ANK3: variants seen among roughly 807,000 people sequenced by gnomAD.
The protein encoded by ANK3 is ankyrin-3.
In ANK3, 57 loss-of-function variants were observed where a neutral mutation model predicts 370.9. The ratio of observed to expected loss-of-function variants is 0.15; its 90% CI spans 0.12 to 0.19. The LOEUF (loss-of-function observed/expected upper bound fraction) is 0.19. ANK3 is among the 10% of genes least tolerant of loss of function. The pLI, the probability that ANK3 is intolerant of heterozygous loss-of-function variation, is 1.00. For missense variants in ANK3, 4,439 were observed against 5,302.1 expected, an observed-to-expected ratio of 0.84 and a Z score of 5.06; for synonymous variants, 1,929 against 1,946.3, an observed-to-expected ratio of 0.99 and a Z score of 0.23.
chr10:60,074,272 C>T lies in ANK3; in HGVS notation c.6609G>A (p.Leu2203=), dbSNP rs2131980821. The part of the protein sequence containing the change: ...SPKPSPTFME[L]EPKPTTSSIK... The stretch of plus-strand genomic sequence containing the variant: ...TACTAGAGGTGGTGGGCTTTGGTTC[C>T]AATTCCATAAAAGTAGGTGAAGGTT... The change falls in exon 37 of 44, where the codon TTG becomes TTA. Residue 2203 remains leucine, a synonymous_variant. Transcript: ENST00000280772. 1 of 1,614,056 alleles carries T rather than the reference C, an allele frequency of 6.2e-7. No individual in the cohort carries two copies. The highest frequency in any genetic ancestry group is 1.1e-5 in the South Asian group (1 of 91,082).
intron 1 of ANK3, among the ~76,000 whole-genome samples, chr10:60,354,537 C>G (rs2057429606): frequency 6.6e-6 from 1 of 152,140 alleles, no homozygotes. Flanking sequence ...TGAAAAATAA[C>G]CAAACCAGTG....
chr10:60,441,225 A>G (rs1392002486), intron 2 of ANK3, among the ~76,000 whole-genome samples: 1 of 152,198 alleles, frequency 6.6e-6, no homozygotes, highest in African/African-American at 2.4e-5. Context: ...AATGAGCATT[A>G]CTATTTTTAT....
chr10:60,535,871 T>C (rs561957603), intron 2 of ANK3, among the ~76,000 whole-genome samples: 10 of 151,926 alleles, frequency 6.6e-5, no homozygotes, highest in African/African-American at 2.2e-4. Flanking sequence ...AAGTGAGCAA[T>C]GATAATGAAA....
chr10:60,717,618 G>A (rs2079808367), intron 1 of ANK3, among the ~76,000 whole-genome samples: 1 of 152,176 alleles, frequency 6.6e-6, no homozygotes, highest in Non-Finnish European at 1.5e-5. Context: ...AATCCTATGG[G>A]AAGTTAATAA....
At chr10:60,117,510 T>A (rs2093178787) in intron 25 of ANK3, among the ~76,000 whole-genome samples, 1 of 152,004 alleles carries the variant, frequency 6.6e-6, no homozygotes, top group Non-Finnish European at 1.5e-5. Context: ...GAAAATAAAA[T>A]ATTGTGCTGG....
intron 1 of ANK3, among the ~76,000 whole-genome samples, chr10:60,702,572 G>A (rs1025585055): frequency 6.6e-6 from 1 of 152,050 alleles, no homozygotes; most frequent in Non-Finnish European, 1.5e-5. Flanking sequence ...AAATACAGAT[G>A]TAAGATAGAA....
chr10:60,328,975 C>T (rs546673971), intron 1 of ANK3, among the ~76,000 whole-genome samples: 44 of 152,280 alleles, frequency 2.9e-4, no homozygotes, highest in African/African-American at 9.9e-4. Context: ...AAGGCTAGTT[C>T]AACATATGCA....
At chr10:60,277,218 C>T (rs1470016105) in intron 4 of ANK3, among the ~76,000 whole-genome samples, 1 of 152,044 alleles carries the variant, frequency 6.6e-6, no homozygotes, top group Non-Finnish European at 1.5e-5. Flanking sequence ...TTCTGTGAAC[C>T]CATAAAACAG....
chr10:60,217,638 T>C (rs1288988878), intron 8 of ANK3, among the ~76,000 whole-genome samples: 1 of 152,206 alleles, frequency 6.6e-6, no homozygotes, highest in Non-Finnish European at 1.5e-5. Flanking sequence ...TTGATTTCAG[T>C]TCTTTTGCAT....
intron 24 of ANK3, among the ~76,000 whole-genome samples, chr10:60,137,883 CA>C (rs2094423031): frequency 6.6e-6 from 1 of 152,108 alleles, no homozygotes; most frequent in African/African-American, 2.4e-5. Flanking sequence ...AAAAGTTCTA[CA>C]TATTTTCCAT....
chr10:60,584,052 T>G (rs932090701), intron 2 of ANK3, among the ~76,000 whole-genome samples: 1 of 152,188 alleles, frequency 6.6e-6, no homozygotes, highest in Non-Finnish European at 1.5e-5. Flanking sequence ...AAGATGATGG[T>G]TCTTATTATC....
intron 2 of ANK3, among the ~76,000 whole-genome samples, chr10:60,592,230 ATAATT>A (rs2077926110): frequency 6.6e-6 from 1 of 152,176 alleles, no homozygotes; most frequent in African/African-American, 2.4e-5. Flanking sequence ...GCTTTTTTTA[ATAATT>A]TAAACATTTA....
intron 1 of ANK3, among the ~76,000 whole-genome samples, chr10:60,703,273 G>GT (rs2079569397): frequency 6.6e-6 from 1 of 152,110 alleles, no homozygotes; most frequent in Non-Finnish European, 1.5e-5. Context: ...TTTAGGTATT[G>GT]TAAGGTTAGG....
intron 1 of ANK3, among the ~76,000 whole-genome samples, chr10:60,701,140 A>T (rs1216357230): frequency 6.6e-6 from 1 of 152,076 alleles, no homozygotes; most frequent in African/African-American, 2.4e-5. Context: ...TACTTATATG[A>T]AAAAAAGGTT....
chr10:60,531,966 A>G (rs963333372), intron 2 of ANK3, among the ~76,000 whole-genome samples: 1 of 152,154 alleles, frequency 6.6e-6, no homozygotes. Flanking sequence ...AGTAATTCAC[A>G]AACACTCTGC....
intron 3 of ANK3, 76 bp downstream of exon 3, chr10:60,278,974 C>T (rs2098127294): frequency 7.7e-6 from 12 of 1,561,016 alleles, no homozygotes; most frequent in Non-Finnish European, 1.1e-5. Flanking sequence ...AGATATGTGC[C>T]CCCATTCTTA....
intron 1 of ANK3, among the ~76,000 whole-genome samples, chr10:60,627,430 AAG>A (rs1488034098): frequency 6.6e-6 from 1 of 152,010 alleles, no homozygotes; most frequent in African/African-American, 2.4e-5. Flanking sequence ...AAATAAAAAA[AAG>A]GCATCTGTAT....
intron 1 of ANK3, among the ~76,000 whole-genome samples, chr10:60,619,223 T>C (rs1360109658): frequency 6.6e-6 from 1 of 152,062 alleles, no homozygotes; most frequent in African/African-American, 2.4e-5. Context: ...TGAGTCTATC[T>C]TGCTAAGACC....
intron 23 of ANK3, among the ~76,000 whole-genome samples, chr10:60,151,414 T>C (rs2095109740): frequency 6.6e-6 from 1 of 151,744 alleles, no homozygotes; most frequent in Non-Finnish European, 1.5e-5. Flanking sequence ...CCTGGCTTAG[T>C]TAGGCTTTTA....
Sources: gnomAD v4.1 joint callset for allele counts (sites outside exome capture counted in the v4.1 genomes callset) on GRCh38, gnomAD v4.1.1 for gene constraint, MANE v1.5 for transcripts, NCBI Gene and HGNC (gene_info 2026-07-23, HGNC 2026-07-21) for gene names.